EYS: variants seen among roughly 807,000 people sequenced by gnomAD.
The protein encoded by EYS is protein eyes shut homolog.
Under a neutral mutation model 282.1 loss-of-function variants are expected in EYS, and 250 were observed. The ratio of observed to expected loss-of-function variants is 0.89; its 90% CI spans 0.80 to 0.98. The LOEUF (loss-of-function observed/expected upper bound fraction) is 0.98, where lower values mean the gene tolerates loss of function less well. Ranked by LOEUF, EYS falls within the 50% of genes least tolerant of loss-of-function variation. EYS has a pLI of 0.00. For synonymous variants in EYS, 1,355 were observed against 1,282.9 expected, an observed-to-expected ratio of 1.06 and a Z score of -1.20; for missense variants, 4,016 against 3,709.0, an observed-to-expected ratio of 1.08 and a Z score of -2.15.
intron 5 of EYS, among the ~76,000 whole-genome samples, chr6:65,444,771 G>C (rs1173195798): frequency 6.6e-6 from 1 of 151,940 alleles, no homozygotes; most frequent in African/African-American, 2.4e-5. Context: ...AGCCTAACAG[G>C]TCATCTTTAC....
chr6:65,087,921 A>C (rs999495375), intron 12 of EYS, among the ~76,000 whole-genome samples: 2 of 152,190 alleles, frequency 1.3e-5, no homozygotes, highest in Admixed American at 6.5e-5. Context: ...CTGAATAATT[A>C]GGACAGTTTT....
rs1271969083 is a variant in EYS, at chr6:64,692,981, T to TTG, written c.3444-66737_3444-66736insCA. On this transcript the variant is annotated intron_variant, in intron 22 of 42. Coordinates refer to ENST00000503581, the MANE Select transcript of EYS (RefSeq NM_001142800.2). ...GGATTGGTTTGGCTGCTTGGGCTTTTTTTTTTTTTTTTTTTTTTGGTTCCA... is the reference window on the plus strand; with the variant it reads ...GGATTGGTTTGGCTGCTTGGGCTTTTTGTTTTTTTTTTTTTTTTTTGGTTCCA... Among the ~76,000 whole-genome samples the TTG allele has an allele frequency of 4.2e-3, 268 of 63,982 alleles. 4 individuals carry two copies. The highest frequency in any genetic ancestry group is 0.011 in the African/African-American group (246 of 21,846). The allele number at this position is 63,982 out of a possible 152,430, so 42.0% of individuals were successfully genotyped here.
chr6:65,079,987 T>C (rs1281350585), intron 12 of EYS, among the ~76,000 whole-genome samples: 2 of 152,124 alleles, frequency 1.3e-5, no homozygotes, highest in African/African-American at 4.8e-5. Flanking sequence ...TTACTATCAT[T>C]AATTAACCCA....
intron 42 of EYS, among the ~76,000 whole-genome samples, chr6:63,724,435 GTTTAATTA>G (rs1768535928): frequency 6.6e-6 from 1 of 152,032 alleles, no homozygotes; most frequent in African/African-American, 2.4e-5. Flanking sequence ...TTTTAATATA[GTTTAATTA>G]TTTGAGTATG....
intron 31 of EYS, among the ~76,000 whole-genome samples, chr6:64,225,992 G>A (rs1169044585): frequency 6.6e-6 from 1 of 152,044 alleles, no homozygotes; most frequent in Non-Finnish European, 1.5e-5. Context: ...TTTCAGACAT[G>A]GATATTAACA....
At chr6:64,959,021 T>C (rs1001807218) in intron 14 of EYS, among the ~76,000 whole-genome samples, 2 of 152,164 alleles carry the variant, frequency 1.3e-5, no homozygotes, top group Admixed American at 1.3e-4. Flanking sequence ...GGTTAGCCAT[T>C]ATGATTTTGT....
At chr6:64,979,670 AAAAT>A (rs1195454462) in intron 14 of EYS, among the ~76,000 whole-genome samples, 2 of 151,594 alleles carry the variant, frequency 1.3e-5, no homozygotes, top group African/African-American at 2.4e-5. Context: ...GGGAATAAGT[AAAAT>A]AAATAACCCA....
At chr6:65,290,905 G>C (rs1430035630) in intron 12 of EYS, among the ~76,000 whole-genome samples, 1 of 151,106 alleles carries the variant, frequency 6.6e-6, no homozygotes, top group Admixed American at 6.6e-5. Context: ...TTTAATGATA[G>C]TGAAATCTAA....
At chr6:65,485,871 A>G (rs1336810343) in intron 5 of EYS, among the ~76,000 whole-genome samples, 1 of 152,196 alleles carries the variant, frequency 6.6e-6, no homozygotes, top group Non-Finnish European at 1.5e-5. Context: ...GTTAATTCCA[A>G]CAATGGTTTT....
At chr6:64,009,507 A>T (rs1768506648) in intron 33 of EYS, among the ~76,000 whole-genome samples, 1 of 152,006 alleles carries the variant, frequency 6.6e-6, no homozygotes, top group African/African-American at 2.4e-5. Context: ...GATGGTCTCA[A>T]TCTCTTGACC....
intron 22 of EYS, among the ~76,000 whole-genome samples, chr6:64,765,621 A>C (rs1773298893): frequency 6.6e-6 from 1 of 152,234 alleles, no homozygotes; most frequent in Admixed American, 6.5e-5. Context: ...AACAGGAAGC[A>C]TGATTGGGAG....
intron 12 of EYS, among the ~76,000 whole-genome samples, chr6:65,085,737 T>C (rs937072832): frequency 2.0e-5 from 3 of 152,136 alleles, no homozygotes; most frequent in Non-Finnish European, 4.4e-5. Context: ...GTCTCATCCA[T>C]CTGCCTTTCC....
At chr6:64,840,475 C>T (rs1043299892) in intron 19 of EYS, among the ~76,000 whole-genome samples, 12 of 152,090 alleles carry the variant, frequency 7.9e-5, no homozygotes, top group African/African-American at 2.2e-4. Context: ...TCCCAGCTAA[C>T]AGGCCAAGTG....
rs145044617 is a variant in EYS at position 64,754,028 on chromosome 6, T to C, written c.3443+59350A>G. On this transcript the variant is annotated intron_variant, in intron 22 of 42. Transcript: ENST00000503581. Reference sequence around the variant, plus strand: ...TCTTTGGGTACATGATGAAATTAATTTGGAAATTAAAACTCTTCTTGAAAA... The same window carrying C: ...TCTTTGGGTACATGATGAAATTAATCTGGAAATTAAAACTCTTCTTGAAAA... Among the ~76,000 whole-genome samples, 637 of 152,188 alleles carry C rather than the reference T, an allele frequency of 4.2e-3. 6 individuals carry two copies. The highest frequency in any genetic ancestry group is 0.015 in the African/African-American group (619 of 41,564).
intron 22 of EYS, among the ~76,000 whole-genome samples, chr6:64,632,925 G>A (rs527252818): frequency 1.3e-5 from 2 of 152,032 alleles, no homozygotes; most frequent in African/African-American, 4.8e-5. Context: ...TTGTTGCAGA[G>A]ACTGTGATAG....
chr6:65,697,081 TTG>T (rs1302345402), intron 1 of EYS, among the ~76,000 whole-genome samples: 1 of 151,970 alleles, frequency 6.6e-6, no homozygotes, highest in Non-Finnish European at 1.5e-5. Flanking sequence ...ATATATGTTT[TTG>T]TGTGTTTGTG....
At chr6:65,067,299 G>C (rs532848452) in intron 12 of EYS, among the ~76,000 whole-genome samples, 9 of 151,888 alleles carry the variant, frequency 5.9e-5, no homozygotes, top group Non-Finnish European at 1.3e-4. Flanking sequence ...TGAATAGCTG[G>C]ACATAATTAA....
intron 11 of EYS, among the ~76,000 whole-genome samples, chr6:65,318,641 T>TAC (rs1769381878): frequency 3.4e-5 from 5 of 147,800 alleles, no homozygotes; most frequent in Admixed American, 2.0e-4. Flanking sequence ...AATTTATATA[T>TAC]ATAATATATG....
chr6:65,680,815 C>CTCAAT (rs1377549360), intron 1 of EYS, among the ~76,000 whole-genome samples: 2 of 151,944 alleles, frequency 1.3e-5, no homozygotes, highest in South Asian at 2.1e-4. Context: ...GCTGGGCTAA[C>CTCAAT]TCAATTCAAT....
Sources: allele counts gnomAD v4.1 joint callset (sites outside exome capture counted in the v4.1 genomes callset), GRCh38; gene constraint gnomAD v4.1.1; transcripts MANE v1.5; gene names NCBI Gene and HGNC (gene_info 2026-07-23, HGNC 2026-07-21).